Variants in ABCC1 observed in about 807,000 individuals in gnomAD.
The protein encoded by ABCC1 is multidrug resistance-associated protein 1.
A neutral mutation model predicts 172.9 loss-of-function variants in ABCC1; 83 were observed. The observed-to-expected ratio is 0.48, with a 90% CI of 0.40 to 0.58. The LOEUF is 0.58. Ranked by LOEUF, ABCC1 falls within the 20% of genes least tolerant of loss-of-function variation. The pLI, the probability that ABCC1 is intolerant of heterozygous loss-of-function variation, is 0.00. For synonymous variants in ABCC1, 937 were observed against 825.2 expected (o/e 1.14, Z -2.32); for missense variants, 1,817 against 2,002.7 (o/e 0.91, Z 1.77).
chr16:16,045,888 T>C lies in ABCC1; in HGVS notation c.1093T>C (p.Phe365Leu). Residue 365 changes from phenylalanine to leucine, a missense_variant, in exon 9 of 31, where the codon TTC becomes CTC. By Grantham distance (22) the Phe-to-Leu change is conservative. Transcript: ENST00000399410. ...DTKAPDWQGY[F>L]YTVLLFVTAC... is the part of the protein sequence containing the mutation. ...GAAGGCCCCAGACTGGCAGGGCTAC[T>C]TCTACACCGTGCTGCTGTTTGTCAC... 2 of 1,614,186 alleles carry C rather than the reference T, an allele frequency of 1.2e-6. No individual in the cohort carries two copies. Among genetic ancestry groups the C allele is most frequent in the Non-Finnish European group, 1.7e-6 (2 of 1,180,030 alleles).
At chr16:16,084,583 C>G (rs1266695751) in intron 17 of ABCC1, among the ~76,000 whole-genome samples, 1 of 141,092 alleles carries the variant, frequency 7.1e-6, no homozygotes, top group African/African-American at 2.7e-5. Context: ...AGGTTGGTGT[C>G]TAACTCCTGA....
intron 21 of ABCC1, among the ~76,000 whole-genome samples, chr16:16,110,726 C>T (rs1234383283): frequency 6.6e-6 from 1 of 152,136 alleles, no homozygotes; most frequent in African/African-American, 2.4e-5. Context: ...TCGAAGAAAA[C>T]CTCCCCCAAT....
chr16:15,949,667 G>A lies in ABCC1; in HGVS notation c.-85G>A, dbSNP rs2045816251. 7.1e-6 allele frequency: 6 copies of A among 843,326 alleles called. No homozygotes were observed. Among genetic ancestry groups the A allele is most frequent in the Middle Eastern group, 6.2e-4 (1 of 1,626 alleles). The allele number at this position is 843,326 out of a possible 1,614,324, so 52.2% of individuals were successfully genotyped here. A position where few individuals can be genotyped will look rare whatever the true frequency, so the allele number is the denominator to read the frequency against. ...CGCCAGCAGCCGGGCCCGATCACCC[G>A]CCGCCCGGTGCCCGCCGCCGCCCGC... is the stretch of plus-strand genomic sequence containing the variant. On this transcript the variant is annotated 5_prime_UTR_variant, in exon 1 of 31. Coordinates refer to ENST00000399410, the MANE Select transcript of ABCC1 (RefSeq NM_004996.4).
At chr16:15,973,570 GA>G (rs1482467553) in intron 1 of ABCC1, among the ~76,000 whole-genome samples, 1 of 152,158 alleles carries the variant, frequency 6.6e-6, no homozygotes, top group African/African-American at 2.4e-5. Context: ...TGTCCATCGT[GA>G]TTGTGTTTTC....
chr16:16,013,309 C>T (rs933579595), intron 3 of ABCC1, among the ~76,000 whole-genome samples: 9 of 149,840 alleles, frequency 6.0e-5, no homozygotes, highest in Admixed American at 4.0e-4. Context: ...CTCACTCTGT[C>T]GCCCAGGCTG....
chr16:15,981,413 C>T (rs546133729), intron 1 of ABCC1, among the ~76,000 whole-genome samples: 1 of 152,340 alleles, frequency 6.6e-6, no homozygotes, highest in South Asian at 2.1e-4. Context: ...CATTTCCATG[C>T]ATCCTCTGAA....
At chr16:16,110,982 C>T (rs955523163) in intron 21 of ABCC1, among the ~76,000 whole-genome samples, 1 of 152,156 alleles carries the variant, frequency 6.6e-6, no homozygotes, top group Admixed American at 6.5e-5. Context: ...CTCACTGCTT[C>T]TACCTCTGCC....
intron 7 of ABCC1, among the ~76,000 whole-genome samples, chr16:16,043,172 AT>A (rs1003296748): frequency 1.4e-5 from 2 of 138,302 alleles, no homozygotes; most frequent in Non-Finnish European, 3.1e-5. Context: ...CAAAAAAAAA[AT>A]TTTTTTTTAG....
chr16:16,119,453 C>T (rs551819091), intron 23 of ABCC1, among the ~76,000 whole-genome samples: 17 of 151,674 alleles, frequency 1.1e-4, no homozygotes, highest in African/African-American at 4.1e-4. Context: ...AACATCAGAT[C>T]GGCAGGGCAG....
intron 11 of ABCC1, among the ~76,000 whole-genome samples, chr16:16,055,221 T>C (rs1418130064): frequency 6.7e-6 from 1 of 148,732 alleles, no homozygotes; most frequent in African/African-American, 2.5e-5. Flanking sequence ...CAGAGTGAGA[T>C]GATGTTTCCA....
intron 4 of ABCC1, among the ~76,000 whole-genome samples, chr16:16,015,136 T>TC (rs892766454): frequency 4.6e-5 from 7 of 150,676 alleles, no homozygotes; most frequent in Non-Finnish European, 8.9e-5. Flanking sequence ...GTGCACTTTT[T>TC]TTTTTTTTTT....
rs1247302229 is a variant in ABCC1, at chr16:15,949,644, C to T, written c.-108C>T. The T allele has an allele frequency of 9.8e-5, 75 of 767,880 alleles. 4 individuals are homozygous for T. Among genetic ancestry groups the T allele is most frequent in the South Asian group, 5.6e-5 (1 of 17,978 alleles). 47.6% of individuals were successfully genotyped at this position (767,880 alleles called of 1,614,324 possible). A position where few individuals can be genotyped will look rare whatever the true frequency, so the allele number is the denominator to read the frequency against. Reference sequence around the variant, plus strand: ...GCCGCCGCCGCCGCCAGCGCTAGCGCCAGCAGCCGGGCCCGATCACCCGCC... The same window carrying T: ...GCCGCCGCCGCCGCCAGCGCTAGCGTCAGCAGCCGGGCCCGATCACCCGCC... On this transcript the variant is annotated 5_prime_UTR_variant, in exon 1 of 31. Coordinates refer to ENST00000399410, the MANE Select transcript of ABCC1 (RefSeq NM_004996.4).
intron 23 of ABCC1, among the ~76,000 whole-genome samples, chr16:16,116,959 G>A (rs1418271941): frequency 1.3e-5 from 2 of 152,146 alleles, no homozygotes; most frequent in Admixed American, 1.3e-4. Flanking sequence ...TGACTAAACT[G>A]ACAGGGAGGG....
At chr16:16,115,728 G>A (rs1307216324) in intron 23 of ABCC1, among the ~76,000 whole-genome samples, 2 of 148,870 alleles carry the variant, frequency 1.3e-5, no homozygotes, top group African/African-American at 2.6e-5. Flanking sequence ...ATGACTAATA[G>A]CAGCCTAAAT....
intron 22 of ABCC1, among the ~76,000 whole-genome samples, chr16:16,112,023 T>C (rs2052409574): frequency 6.6e-6 from 1 of 152,152 alleles, no homozygotes; most frequent in African/African-American, 2.4e-5. Context: ...TGTTTGACAA[T>C]ATCTGGAGAT....
At chr16:16,127,994 C>T (rs2045511199) in intron 26 of ABCC1, among the ~76,000 whole-genome samples, 1 of 147,702 alleles carries the variant, frequency 6.8e-6, no homozygotes, top group African/African-American at 2.5e-5. Context: ...GATCTCAGCT[C>T]ACTGCAACCT....
intron 5 of ABCC1, among the ~76,000 whole-genome samples, chr16:16,024,763 G>T (rs7188937): frequency 0.45 from 68,580 of 152,002 alleles, 17,119 homozygotes; most frequent in Non-Finnish European, 0.57. Context: ...CAGGCTCAAA[G>T]GAAGAGGATA....
At chr16:16,132,326 C>T (rs905560143) in intron 27 of ABCC1, among the ~76,000 whole-genome samples, 1 of 151,734 alleles carries the variant, frequency 6.6e-6, no homozygotes, top group African/African-American at 2.4e-5. Context: ...GTGTGTGCCA[C>T]TGCACCTGGC....
In ABCC1 at chr16:16,016,571, TC is replaced by T. The variant is rs1311867368; in HGVS notation, c.567del (p.Cys190ValfsTer38). 5 of 1,614,184 alleles carry T rather than the reference TC, an allele frequency of 3.1e-6. No individual in the cohort carries two copies. Among genetic ancestry groups the T allele is most frequent in the Admixed American group, 1.7e-5 (1 of 60,012 alleles). The part of the protein sequence containing the change: ...FSLLLIQLVL[S>X]CFSDRSPLFS... The stretch of plus-strand genomic sequence containing the variant: ...CCTCTTACTCATTCAGCTCGTCTTG[TC>T]CTGTTTCTCAGATCGCTCACCCCTG... On this transcript the variant is annotated frameshift_variant, in exon 5 of 31. Transcript: ENST00000399410. LOFTEE classifies it high-confidence loss of function.
Sources: allele counts gnomAD v4.1 joint callset (sites outside exome capture counted in the v4.1 genomes callset), GRCh38; gene constraint gnomAD v4.1.1; transcripts MANE v1.5; gene names NCBI Gene and HGNC (gene_info 2026-07-23, HGNC 2026-07-21).